Variants in NAALAD2 observed in about 807,000 individuals in gnomAD.
The protein encoded by NAALAD2 is N-acetylated alpha-linked acidic dipeptidase 2.
NAALAD2 carries 89 observed loss-of-function variants against 95.6 expected under a neutral mutation model. The ratio of observed to expected loss-of-function variants is 0.93; its 90% CI spans 0.78 to 1.11. NAALAD2 has a LOEUF of 1.11. Among genes scored for constraint, NAALAD2 ranks in the 50% least tolerant of loss-of-function variants. The pLI is 0.00. For synonymous variants in NAALAD2, 264 were observed against 294.4 expected (o/e 0.90, Z 1.06); for missense variants, 894 against 872.4 (o/e 1.02, Z -0.31).
chr11:90,155,420 T>TGTA (rs1952054663), intron 6 of NAALAD2, among the ~76,000 whole-genome samples: 1 of 107,580 alleles, frequency 9.3e-6, no homozygotes, highest in Non-Finnish European at 1.7e-5. Context: ...TAATATTACA[T>TGTA]ATTATACATG....
Position 90,177,849 on chromosome 11 carries a change from TCAGAAAACA to T in NAALAD2, c.1594-3_1599del. On this transcript the variant is annotated splice_acceptor_variant and splice_polypyrimidine_tract_variant and coding_sequence_variant and intron_variant, in exon 16 of 19. Coordinates refer to ENST00000534061, the MANE Select transcript of NAALAD2 (RefSeq NM_005467.4). LOFTEE classifies it high-confidence loss of function. ...TTATACTTGCCTCTCCATTTTTTTTTCAGAAAACAGATAAGTACAGCAGCTACCCAGTGT... is the reference window on the plus strand; with the variant it reads ...TTATACTTGCCTCTCCATTTTTTTTTGATAAGTACAGCAGCTACCCAGTGT... 3.1e-6 allele frequency: 5 copies of T among 1,594,554 alleles called. No homozygotes were observed. The highest frequency in any genetic ancestry group is 3.6e-5 in the Admixed American group (2 of 55,330).
chr11:90,191,502 C>A, intron 18 of NAALAD2, 56 bp from the exon 19 acceptor site: 1 of 1,296,542 alleles, frequency 7.7e-7, no homozygotes, highest in Non-Finnish European at 1.0e-6. Flanking sequence ...AAACAAAAAG[C>A]ATGCAAAATG....
chr11:90,142,591 T>C (rs939626360), intron 2 of NAALAD2, among the ~76,000 whole-genome samples: 1 of 152,186 alleles, frequency 6.6e-6, no homozygotes, highest in Non-Finnish European at 1.5e-5. Flanking sequence ...TTTGCTGTTT[T>C]ATCCATTTTT....
intron 6 of NAALAD2, 91 bp downstream of exon 6, chr11:90,152,575 T>A: frequency 2.1e-6 from 2 of 936,026 alleles, no homozygotes; most frequent in Non-Finnish European, 3.1e-6. Context: ...AGAATAATAT[T>A]AAACTAAAAT....
chr11:90,178,210 A>G, intron 16 of NAALAD2, 93 bp downstream of exon 16: 2 of 1,349,504 alleles, frequency 1.5e-6, no homozygotes, highest in Non-Finnish European at 2.0e-6. Flanking sequence ...GTTTCATCCT[A>G]GAATACATAT....
intron 4 of NAALAD2, 58 bp downstream of exon 4, chr11:90,149,165 C>A: frequency 8.8e-7 from 1 of 1,130,250 alleles, no homozygotes; most frequent in South Asian, 1.5e-5. Flanking sequence ...CTATGTAAAA[C>A]CTGTATGGAG....
At chr11:90,186,116 C>T (rs1388127873) in intron 18 of NAALAD2, among the ~76,000 whole-genome samples, 10 of 151,768 alleles carry the variant, frequency 6.6e-5, no homozygotes, top group African/African-American at 2.4e-4. Context: ...CATGCTGGTG[C>T]GCTGCACCCA....
In NAALAD2 at chr11:90,170,011, CAA is replaced by C. The variant is rs531870955; in HGVS notation, c.1343-56_1343-55del. 8,303 of 1,018,750 alleles carry C rather than the reference CAA, an allele frequency of 8.2e-3. 59 individuals are homozygous for C. The highest frequency in any genetic ancestry group is 9.0e-3 in the Non-Finnish European group (5,829 of 644,428). 63.1% of individuals were successfully genotyped at this position (1,018,750 alleles called of 1,614,324 possible). A position where few individuals can be genotyped will look rare whatever the true frequency, so the allele number is the denominator to read the frequency against. On this transcript the variant is annotated intron_variant, in intron 12 of 18. Coordinates refer to ENST00000534061, the MANE Select transcript of NAALAD2 (RefSeq NM_005467.4). ...ATTAGAAAATAAAGTTAGAATTAAA[CAA>C]ATGGAATTTCATTTAGAAGTATGAA...
chr11:90,179,598 G>T (rs943549056), intron 16 of NAALAD2, among the ~76,000 whole-genome samples: 1 of 152,242 alleles, frequency 6.6e-6, no homozygotes, highest in East Asian at 1.9e-4. Context: ...TCTCTGCAGT[G>T]ATGGGGGAAA....
intron 8 of NAALAD2, among the ~76,000 whole-genome samples, chr11:90,159,541 A>G (rs1252397455): frequency 2.0e-5 from 3 of 152,192 alleles, no homozygotes; most frequent in Admixed American, 6.5e-5. Flanking sequence ...CAGAATCTCA[A>G]AAATTAATAT....
chr11:90,191,885 C>T lies in NAALAD2; in HGVS notation c.*138C>T. On this transcript the variant is annotated 3_prime_UTR_variant, in exon 19 of 19. Coordinates refer to ENST00000534061, the MANE Select transcript of NAALAD2 (RefSeq NM_005467.4). ...TGATTATAGGCTTTGGTCTTTTCATCTGCAAAGCCTTTTTTTTTTGCTCTT... is the reference window on the plus strand; with the variant it reads ...TGATTATAGGCTTTGGTCTTTTCATTTGCAAAGCCTTTTTTTTTTGCTCTT... The T allele has an allele frequency of 3.7e-6, 2 of 538,324 alleles. No homozygotes were observed. Among genetic ancestry groups the T allele is most frequent in the Non-Finnish European group, 5.8e-6 (2 of 347,254 alleles). The allele number at this position is 538,324 out of a possible 1,614,324, so 33.3% of individuals were successfully genotyped here.
intron 16 of NAALAD2, among the ~76,000 whole-genome samples, chr11:90,178,765 C>T (rs550762450): frequency 8.5e-5 from 13 of 152,118 alleles, no homozygotes; most frequent in Admixed American, 2.6e-4. Flanking sequence ...CTATTACATA[C>T]GTATTTTTAA....
At chr11:90,160,697 A>G (rs932574629) in intron 8 of NAALAD2, among the ~76,000 whole-genome samples, 7 of 152,192 alleles carry the variant, frequency 4.6e-5, no homozygotes, top group African/African-American at 1.7e-4. Context: ...CTGATTTACA[A>G]ACAGAAACAT....
chr11:90,138,698 A>G (rs1951515765), intron 2 of NAALAD2, among the ~76,000 whole-genome samples: 1 of 133,082 alleles, frequency 7.5e-6, no homozygotes, highest in South Asian at 2.4e-4. Flanking sequence ...TTCCAAGATT[A>G]CTATCATGAA....
At position 90,178,060 on chromosome 11, in the gene NAALAD2, A is replaced by G. The variant is rs746190345; in HGVS notation, c.1801A>G (p.Ile601Val). The change falls in exon 16 of 19, where the codon ATC becomes GTC. Residue 601 changes from isoleucine to valine, a missense_variant. Coordinates refer to ENST00000534061, the MANE Select transcript of NAALAD2 (RefSeq NM_005467.4). Reference protein sequence around the residue: ...AEALKNYAASIYNLSKKHDQQ... With the variant: ...AEALKNYAASVYNLSKKHDQQ... ...AGCTTTGAAAAACTATGCAGCAAGT[A>G]TCTATAATCTATCTAAGAAACATGA... 9.9e-6 allele frequency: 16 copies of G among 1,613,596 alleles called. No individual in the cohort carries two copies. The Middle Eastern group carries it at 4.9e-4, about 50-fold the overall frequency.
chr11:90,168,957 G>C lies in NAALAD2; in HGVS notation c.1307G>C (p.Ser436Thr), dbSNP rs759218159. 1.4e-5 allele frequency: 23 copies of C among 1,607,794 alleles called. No individual in the cohort carries two copies. Among genetic ancestry groups the C allele is most frequent in the Middle Eastern group, 1.7e-4 (1 of 5,926 alleles). ...EENVKILQERSIAYINSDSSI... is the reference protein window; with the variant it reads ...EENVKILQERTIAYINSDSSI... Reference sequence around the variant, plus strand: ...AATGTCAAAATACTCCAGGAGAGAAGCATTGCTTATATCAACTCGGATTCA... The same window carrying C: ...AATGTCAAAATACTCCAGGAGAGAACCATTGCTTATATCAACTCGGATTCA... Residue 436 changes from serine (S) to threonine (T), a missense_variant, in exon 12 of 19, where the codon AGC becomes ACC. Coordinates refer to ENST00000534061, the MANE Select transcript of NAALAD2 (RefSeq NM_005467.4).
At chr11:90,188,001 G>A (rs912058580) in intron 18 of NAALAD2, among the ~76,000 whole-genome samples, 4 of 152,208 alleles carry the variant, frequency 2.6e-5, no homozygotes, top group African/African-American at 9.6e-5. Context: ...TGGATGAAGA[G>A]TTACAGACAG....
intron 18 of NAALAD2, among the ~76,000 whole-genome samples, chr11:90,189,507 G>T (rs564724608): frequency 2.6e-5 from 4 of 152,144 alleles, no homozygotes; most frequent in Non-Finnish European, 5.9e-5. Flanking sequence ...GGTGGCTCAC[G>T]CCTGTAATCC....
At chr11:90,147,963 G>A (rs1951788396) in intron 3 of NAALAD2, among the ~76,000 whole-genome samples, 1 of 152,168 alleles carries the variant, frequency 6.6e-6, no homozygotes, top group Non-Finnish European at 1.5e-5. Flanking sequence ...GTTTTATTGG[G>A]AGAATGTAAT....
Sources: allele counts gnomAD v4.1 joint callset (sites outside exome capture counted in the v4.1 genomes callset), GRCh38; gene constraint gnomAD v4.1.1; transcripts MANE v1.5; gene names NCBI Gene and HGNC (gene_info 2026-07-23, HGNC 2026-07-21).